PEX5L: variants seen among roughly 807,000 people sequenced by gnomAD.
PEX5L encodes peroxisomal biogenesis factor 5 like.
PEX5L carries 30 observed loss-of-function variants against 84.0 expected under a neutral mutation model. The observed-to-expected ratio is 0.36, with a 90% CI of 0.27 to 0.48. PEX5L has a LOEUF of 0.48. Among genes scored for constraint, PEX5L ranks in the 20% least tolerant of loss-of-function variants. The pLI is 0.99. For missense variants in PEX5L, 533 were observed against 754.6 expected, an observed-to-expected ratio of 0.71 and a Z score of 3.44; for synonymous variants, 270 against 283.1, an observed-to-expected ratio of 0.95 and a Z score of 0.46.
chr3:179,983,073 G>C (rs1786481471), intron 1 of PEX5L, among the ~76,000 whole-genome samples: 1 of 151,618 alleles, frequency 6.6e-6, no homozygotes, highest in Admixed American at 6.6e-5. Flanking sequence ...ACTGTTTCTT[G>C]CTGATGCTAT....
intron 1 of PEX5L, among the ~76,000 whole-genome samples, chr3:180,030,647 G>A (rs1240046019): frequency 6.6e-6 from 1 of 152,152 alleles, no homozygotes; most frequent in Non-Finnish European, 1.5e-5. Flanking sequence ...AGGGTGTGTG[G>A]GAGTGGGGAT....
chr3:179,980,298 C>G (rs1786203926), intron 1 of PEX5L, among the ~76,000 whole-genome samples: 1 of 151,962 alleles, frequency 6.6e-6, no homozygotes, highest in Admixed American at 6.6e-5. Flanking sequence ...GCTCAAATGA[C>G]TTTTGAGGGT....
intron 1 of PEX5L, among the ~76,000 whole-genome samples, chr3:179,982,158 A>G (rs980778206): frequency 6.6e-6 from 1 of 152,182 alleles, no homozygotes; most frequent in African/African-American, 2.4e-5. Flanking sequence ...AGTAAGGGAC[A>G]CTTGATCATA....
intron 2 of PEX5L, among the ~76,000 whole-genome samples, chr3:179,932,612 A>C (rs1468740777): frequency 6.6e-6 from 1 of 152,202 alleles, no homozygotes; most frequent in Non-Finnish European, 1.5e-5. Context: ...ATATTGTTTG[A>C]TTTGATTCTT....
chr3:179,915,301 GT>G (rs1766631078), intron 2 of PEX5L, among the ~76,000 whole-genome samples: 1 of 152,182 alleles, frequency 6.6e-6, no homozygotes, highest in African/African-American at 2.4e-5. Flanking sequence ...GGGATGGGAG[GT>G]TTTGAATTTT....
intron 8 of PEX5L, among the ~76,000 whole-genome samples, chr3:179,847,493 A>G (rs1739999001): frequency 6.6e-6 from 1 of 152,190 alleles, no homozygotes; most frequent in African/African-American, 2.4e-5. Context: ...TATACCCAGC[A>G]TATTAAAGCA....
intron 8 of PEX5L, among the ~76,000 whole-genome samples, chr3:179,825,990 A>C (rs1337200344): frequency 1.3e-5 from 2 of 152,234 alleles, no homozygotes; most frequent in Non-Finnish European, 2.9e-5. Flanking sequence ...ACTAGCACTC[A>C]GATTTTTCTA....
chr3:179,943,803 C>A (rs1776797060), intron 2 of PEX5L, among the ~76,000 whole-genome samples: 1 of 152,222 alleles, frequency 6.6e-6, no homozygotes, highest in Non-Finnish European at 1.5e-5. Flanking sequence ...CAATTCTCAA[C>A]ACAATGCTTA....
intron 2 of PEX5L, among the ~76,000 whole-genome samples, chr3:179,964,554 C>T (rs961429495): frequency 1.3e-5 from 2 of 152,148 alleles, no homozygotes; most frequent in African/African-American, 4.8e-5. Flanking sequence ...ATGCATCTCA[C>T]GAAGGTCTAA....
chr3:179,834,650 AT>A (rs1734312682), intron 8 of PEX5L, among the ~76,000 whole-genome samples: 1 of 152,136 alleles, frequency 6.6e-6, no homozygotes, highest in African/African-American at 2.4e-5. Context: ...GAAACTCTAA[AT>A]TGTGAATATG....
At chr3:179,816,360 T>C (rs1259533504) in intron 9 of PEX5L, among the ~76,000 whole-genome samples, 2 of 152,160 alleles carry the variant, frequency 1.3e-5, no homozygotes, top group East Asian at 3.8e-4. Flanking sequence ...AATGATAGAC[T>C]GGATAAAGAA....
chr3:179,859,002 T>G, intron 8 of PEX5L, 60 bp downstream of exon 8: 2 of 1,071,410 alleles, frequency 1.9e-6, no homozygotes, highest in Non-Finnish European at 1.5e-6. Context: ...TGAAGTTTGA[T>G]TTTTCAAATG....
rs1290034965 is a variant in PEX5L at position 179,852,697 on chromosome 3, T to C, written c.822+6365A>G. Reference sequence around the variant, plus strand: ...CTGATGACTGAACTGTACTCTACTTTGTCCATACATCCTCATTTTTTCTCA... The same window carrying C: ...CTGATGACTGAACTGTACTCTACTTCGTCCATACATCCTCATTTTTTCTCA... On this transcript the variant is annotated intron_variant, in intron 8 of 14. Transcript: ENST00000467460. Among the ~76,000 whole-genome samples, 4 of 152,232 alleles carry C rather than the reference T, an allele frequency of 2.6e-5. No individual in the cohort carries two copies. In the East Asian group the frequency reaches 7.7e-4, roughly 29 times the overall value.
chr3:179,898,371 T>A (rs1213668821), intron 2 of PEX5L, 125 bp from the exon 3 acceptor site: 1 of 601,950 alleles, frequency 1.7e-6, no homozygotes, highest in Non-Finnish European at 2.7e-6. Context: ...TGCAAGTGAA[T>A]CTTGAGGCTT....
At position 179,797,873 on chromosome 3, in the gene PEX5L, C is replaced by T. The variant is rs1717668163; in HGVS notation, c.*3955G>A. The T allele has an allele frequency of 6.6e-6, 1 of 152,028 alleles. No individual in the cohort carries two copies. Among genetic ancestry groups the T allele is most frequent in the African/African-American group, 2.4e-5 (1 of 41,416 alleles). The allele number at this position is 152,028 out of a possible 1,614,324, so 9.4% of individuals were successfully genotyped here. ...TCTAGAAGTATCTCAAGATATAAAA[C>T]AACAACCACCACTGCTACAACAACT... On this transcript the variant is annotated 3_prime_UTR_variant, in exon 15 of 15. Coordinates refer to ENST00000467460, the MANE Select transcript of PEX5L (RefSeq NM_016559.3).
intron 1 of PEX5L, among the ~76,000 whole-genome samples, chr3:179,992,266 C>T (rs952952838): frequency 3.9e-5 from 6 of 152,090 alleles, no homozygotes; most frequent in Middle Eastern, 3.2e-3. Context: ...TTTTGAAAGC[C>T]AAAAGGAATC....
At chr3:180,026,292 T>C (rs1055268192) in intron 1 of PEX5L, among the ~76,000 whole-genome samples, 5 of 152,110 alleles carry the variant, frequency 3.3e-5, no homozygotes, top group Admixed American at 1.3e-4. Flanking sequence ...CATTTTAATT[T>C]AATCTTTCCT....
chr3:179,946,746 C>T, intron 2 of PEX5L, among the ~76,000 whole-genome samples: 1 of 152,176 alleles, frequency 6.6e-6, no homozygotes, highest in East Asian at 1.9e-4. Context: ...GCATCTGTGA[C>T]TGAGAACCAG....
intron 8 of PEX5L, among the ~76,000 whole-genome samples, chr3:179,833,715 C>T (rs937977754): frequency 4.6e-5 from 7 of 151,508 alleles, no homozygotes; most frequent in Admixed American, 2.0e-4. Flanking sequence ...TCCAAAAGAA[C>T]GAAAAAAGAA....
Sources: allele counts gnomAD v4.1 joint callset (sites outside exome capture counted in the v4.1 genomes callset), GRCh38; gene constraint gnomAD v4.1.1; transcripts MANE v1.5; gene names NCBI Gene and HGNC (gene_info 2026-07-23, HGNC 2026-07-21).